Variants in GLDC observed in about 807,000 individuals in gnomAD.
GLDC encodes the protein glycine dehydrogenase (decarboxylating), mitochondrial.
A neutral mutation model predicts 121.3 loss-of-function variants in GLDC; 104 were observed. The ratio of observed to expected loss-of-function variants is 0.86; its 90% CI spans 0.73 to 1.01. The LOEUF is 1.01. Among genes scored for constraint, GLDC ranks in the 50% least tolerant of loss-of-function variants. The pLI, the probability that GLDC is intolerant of heterozygous loss-of-function variation, is 0.00. For missense variants in GLDC, 1,429 were observed against 1,306.6 expected, an observed-to-expected ratio of 1.09 and a Z score of -1.44; for synonymous variants, 546 against 480.6, an observed-to-expected ratio of 1.14 and a Z score of -1.78.
chr9:6,605,611 A>C (rs1254382516), intron 5 of GLDC, among the ~76,000 whole-genome samples: 1 of 152,152 alleles, frequency 6.6e-6, no homozygotes, highest in East Asian at 1.9e-4. Flanking sequence ...CACCTCTTTC[A>C]CTGGCATCAC....
chr9:6,640,133 C>T (rs1246165351), intron 2 of GLDC, among the ~76,000 whole-genome samples: 1 of 152,230 alleles, frequency 6.6e-6, no homozygotes, highest in Non-Finnish European at 1.5e-5. Context: ...CTTTCCTCTC[C>T]TCTGCCAATA....
chr9:6,554,769 G>A lies in GLDC; in HGVS notation c.2215C>T (p.Arg739Cys), dbSNP rs148775220. 39 of 1,612,196 alleles carry A rather than the reference G, an allele frequency of 2.4e-5. No homozygotes were observed. The highest frequency in any genetic ancestry group is 1.3e-4 in the African/African-American group (10 of 74,918). ...ACATCAGACCCGAAGTCTCCAGGGCGACAGATTCCCACCTACCACAAAGGC... is the reference window on the plus strand; with the variant it reads ...ACATCAGACCCGAAGTCTCCAGGGCAACAGATTCCCACCTACCACAAAGGC... ...ANMNAQVGIC[R>C]PGDFGSDVSH... Residue 739 changes from arginine to cysteine, a missense_variant, in exon 19 of 25, where the codon CGC becomes TGC. Transcript: ENST00000321612.
intron 21 of GLDC, among the ~76,000 whole-genome samples, chr9:6,545,282 A>G (rs1451745299): frequency 6.6e-6 from 1 of 152,184 alleles, no homozygotes; most frequent in South Asian, 2.1e-4. Context: ...GGTAAAGTCT[A>G]CTATATATAC....
At chr9:6,539,676 C>G (rs1817214682) in intron 22 of GLDC, among the ~76,000 whole-genome samples, 1 of 152,184 alleles carries the variant, frequency 6.6e-6, no homozygotes, top group African/African-American at 2.4e-5. Flanking sequence ...CTAGAAGCAG[C>G]TGAAACAGCT....
chr9:6,644,938 C>T (rs1819709242), intron 1 of GLDC: 2 of 613,736 alleles, frequency 3.3e-6, no homozygotes, highest in Non-Finnish European at 5.7e-6. Flanking sequence ...TAAGCCCACT[C>T]TTAATCAGGG....
In GLDC at chr9:6,533,018, T is replaced by A. The variant is rs200053325; in HGVS notation, c.3062A>T (p.Ter1021LeuextTer11). The A allele has an allele frequency of 3.7e-6, 6 of 1,606,662 alleles. No individual in the cohort carries two copies. Among genetic ancestry groups the A allele is most frequent in the Non-Finnish European group, 5.1e-6 (6 of 1,173,814 alleles). The change falls in exon 25 of 25, where the codon TAG (stop) becomes TTG (leucine). Residue 1021 changes from the stop codon to leucine (L), a stop_lost. Transcript: ENST00000321612. ...TCCTTTAAACTTAGGGACAGAGGAC[T>A]AAGAAGACGCCCTCTTTTGTTCAGA... The part of the protein sequence containing the change: ...PFSEQKRASS[*>L]
At chr9:6,643,386 C>T (rs1456418386) in intron 2 of GLDC, among the ~76,000 whole-genome samples, 1 of 150,754 alleles carries the variant, frequency 6.6e-6, no homozygotes, top group African/African-American at 2.4e-5. Flanking sequence ...CCTCAAATGT[C>T]CACCTTCAAA....
intron 22 of GLDC, among the ~76,000 whole-genome samples, chr9:6,539,168 A>G (rs985703504): frequency 6.6e-6 from 1 of 152,140 alleles, no homozygotes; most frequent in African/African-American, 2.4e-5. Context: ...TATTATTATC[A>G]TTTTCATATT....
At chr9:6,626,385 A>G (rs185988458) in intron 2 of GLDC, among the ~76,000 whole-genome samples, 201 of 152,346 alleles carry the variant, frequency 1.3e-3, no homozygotes, top group Non-Finnish European at 2.3e-3. Context: ...ATTGAAATAA[A>G]AAGATAAAAA....
chr9:6,618,304 G>A (rs752494416), intron 3 of GLDC, among the ~76,000 whole-genome samples: 1 of 152,090 alleles, frequency 6.6e-6, no homozygotes, highest in Non-Finnish European at 1.5e-5. Context: ...TCCACAGTTA[G>A]ACATTATATC....
intron 2 of GLDC, among the ~76,000 whole-genome samples, chr9:6,629,245 T>G (rs1406811368): frequency 6.7e-5 from 10 of 148,216 alleles, no homozygotes; most frequent in Non-Finnish European, 3.0e-5. Context: ...TGAGATGGAG[T>G]CTTCTGTTGC....
At chr9:6,600,804 G>A (rs968363411) in intron 8 of GLDC, among the ~76,000 whole-genome samples, 4 of 152,218 alleles carry the variant, frequency 2.6e-5, no homozygotes, top group African/African-American at 7.2e-5. Flanking sequence ...AAGCCCTGGA[G>A]CAACTTCAAG....
At chr9:6,632,782 C>T (rs921719458) in intron 2 of GLDC, among the ~76,000 whole-genome samples, 3 of 152,208 alleles carry the variant, frequency 2.0e-5, no homozygotes, top group African/African-American at 7.2e-5. Context: ...CCTCACTGAG[C>T]TGACTAGTGG....
At chr9:6,577,546 T>A (rs1196322263) in intron 15 of GLDC, among the ~76,000 whole-genome samples, 1 of 152,220 alleles carries the variant, frequency 6.6e-6, no homozygotes, top group Non-Finnish European at 1.5e-5. Flanking sequence ...AATATCTTTT[T>A]TGAATTGACT....
intron 2 of GLDC, chr9:6,639,027 T>C (rs1819570889): frequency 1.9e-6 from 1 of 514,056 alleles, no homozygotes; most frequent in African/African-American, 2.0e-5. Context: ...AAAAAAAGTA[T>C]ATCCTCAGAG....
At chr9:6,580,405 C>T (rs1056758807) in intron 15 of GLDC, among the ~76,000 whole-genome samples, 3 of 152,178 alleles carry the variant, frequency 2.0e-5, no homozygotes, top group Admixed American at 1.3e-4. Context: ...TTCCGCCCCT[C>T]GGAACCAACA....
At chr9:6,602,482 T>C (rs956159541) in intron 7 of GLDC, among the ~76,000 whole-genome samples, 1 of 151,968 alleles carries the variant, frequency 6.6e-6, no homozygotes, top group Middle Eastern at 3.4e-3. Context: ...TTTCAAACGA[T>C]TCTACTGCAT....
intron 24 of GLDC, chr9:6,534,214 A>T (rs896678922): frequency 5.0e-5 from 8 of 159,488 alleles, no homozygotes; most frequent in African/African-American, 1.9e-4. Flanking sequence ...AAGAAAAAAA[A>T]AGCATCATTT....
At chr9:6,636,648 C>T (rs1042485933) in intron 2 of GLDC, among the ~76,000 whole-genome samples, 1 of 151,910 alleles carries the variant, frequency 6.6e-6, no homozygotes. Context: ...TGGTGGCATG[C>T]GCCTGTAGTC....
Sources: gnomAD v4.1 joint callset for allele counts (sites outside exome capture counted in the v4.1 genomes callset) on GRCh38, gnomAD v4.1.1 for gene constraint, MANE v1.5 for transcripts, NCBI Gene and HGNC (gene_info 2026-07-23, HGNC 2026-07-21) for gene names.